Variants in MDM4 observed in about 807,000 individuals in gnomAD.
MDM4 encodes the protein MDM4 regulator of p53, also known as protein Mdm4.
A neutral mutation model predicts 60.2 loss-of-function variants in MDM4; 2 were observed. That is an observed-to-expected ratio of 0.03 (90% CI 0.01 to 0.10). MDM4 has a LOEUF of 0.10. MDM4 is among the 10% of genes least tolerant of loss of function. The probability of loss-of-function intolerance (pLI) is 1.00; values close to 1 mark genes in which losing one functional copy is unlikely to be tolerated. For synonymous variants in MDM4, 202 were observed against 198.1 expected, an observed-to-expected ratio of 1.02 and a Z score of -0.17; for missense variants, 447 against 577.5, an observed-to-expected ratio of 0.77 and a Z score of 2.32.
At position 204,556,995 on chromosome 1, in the gene MDM4, A is replaced by G. The variant is rs532423420; in HGVS notation, c.*7313A>G. ...ATTGAGTGCCAGTCTTGACGTCCGT[A>G]TGCCTCAGTTTTTCTCATATATAAA... On this transcript the variant is annotated 3_prime_UTR_variant, in exon 11 of 11. Transcript: ENST00000367182. 8.4e-4 allele frequency: 174 copies of G among 206,760 alleles called. No individual in the cohort carries two copies. Among genetic ancestry groups the G allele is most frequent in the African/African-American group, 3.8e-3 (165 of 43,920 alleles). The allele number at this position is 206,760 out of a possible 1,614,324, so 12.8% of individuals were successfully genotyped here.
intron 8 of MDM4, among the ~76,000 whole-genome samples, chr1:204,543,427 T>A (rs915459024): frequency 6.6e-6 from 1 of 152,254 alleles, no homozygotes; most frequent in Non-Finnish European, 1.5e-5. Flanking sequence ...TCACTTCCTG[T>A]CATTCTTCTT....
rs567353313 is a variant in MDM4, at chr1:204,551,702, G to A, written c.*2020G>A. 4.3e-6 allele frequency: 1 copy of A among 230,684 alleles called. No homozygotes were observed. The highest frequency in any genetic ancestry group is 5.7e-5 in the Admixed American group (1 of 17,692). 14.3% of individuals were successfully genotyped at this position (230,684 alleles called of 1,614,324 possible). ...TGCATGTGTCATTTTGAAGACCAAG[G>A]CCCTAGAATTGTCAAACTTAAGGAT... On this transcript the variant is annotated 3_prime_UTR_variant, in exon 11 of 11. Coordinates refer to ENST00000367182, the MANE Select transcript of MDM4 (RefSeq NM_002393.5).
chr1:204,523,503 C>CTTA (rs1558310755), intron 1 of MDM4, among the ~76,000 whole-genome samples: 6 of 82,046 alleles, frequency 7.3e-5, no homozygotes, highest in South Asian at 5.2e-4. Flanking sequence ...TTTTTTTTTG[C>CTTA]GACAGGGTAT....
At position 204,549,225 on chromosome 1, in the gene MDM4, A is replaced by G; in HGVS notation, c.1016A>G (p.His339Arg). 1.2e-6 allele frequency: 2 copies of G among 1,614,028 alleles called. No individual in the cohort carries two copies. Among genetic ancestry groups the G allele is most frequent in the Non-Finnish European group, 1.7e-6 (2 of 1,179,896 alleles). ...DWYSDCSKLT[H>R]SLSTSDITAI... Reference sequence around the variant, plus strand: ...TATTCAGATTGTTCAAAGTTAACCCATTCTCTCTCCACGTCTGATATCACT... The same window carrying G: ...TATTCAGATTGTTCAAAGTTAACCCGTTCTCTCTCCACGTCTGATATCACT... The change falls in exon 11 of 11, where the codon CAT becomes CGT. Residue 339 changes from histidine to arginine, a missense_variant. This residue lies in a region of MDM4 where 117 missense variants were observed against 114.5 expected (regional missense o/e 1.02). Coordinates refer to ENST00000367182, the MANE Select transcript of MDM4 (RefSeq NM_002393.5).
intron 1 of MDM4, among the ~76,000 whole-genome samples, chr1:204,523,509 G>C (rs1288461811): frequency 1.3e-5 from 1 of 78,912 alleles, no homozygotes; most frequent in African/African-American, 3.6e-5. Context: ...TTTGCGACAG[G>C]GTATCGCTTT....
chr1:204,529,206 G>A (rs1176003689), intron 3 of MDM4: 13 of 748,892 alleles, frequency 1.7e-5, no homozygotes, highest in Non-Finnish European at 3.1e-5. Context: ...ATTAGGTCTT[G>A]TCAAACATGT....
Position 204,532,942 on chromosome 1 carries a change from C to T in MDM4, c.343+696C>T. 3 of 1,076,520 alleles carry T rather than the reference C, an allele frequency of 2.8e-6. No individual in the cohort carries two copies. The South Asian group carries it at 4.9e-5, about 17-fold the overall frequency. 66.7% of individuals were successfully genotyped at this position (1,076,520 alleles called of 1,614,324 possible). On this transcript the variant is annotated intron_variant, in intron 5 of 10. Transcript: ENST00000367182. ...AAAGCTTTATAGGTAATGCTTTGTACTTCTGTTTAATCACATCAGAGTCAT... is the reference window on the plus strand; with the variant it reads ...AAAGCTTTATAGGTAATGCTTTGTATTTCTGTTTAATCACATCAGAGTCAT...
rs1296287469 is a variant in MDM4 at position 204,557,478 on chromosome 1, C to T, written c.*7796C>T. The T allele has an allele frequency of 5.7e-6, 1 of 174,768 alleles. No homozygotes were observed. 10.8% of individuals were successfully genotyped at this position (174,768 alleles called of 1,614,324 possible). ...AATGCAGTGGCGCAATCTTGGTTCA[C>T]TGCAACCCCCGCCTCCTGGGTTCAA... On this transcript the variant is annotated 3_prime_UTR_variant, in exon 11 of 11. Coordinates refer to ENST00000367182, the MANE Select transcript of MDM4 (RefSeq NM_002393.5).
chr1:204,519,405 G>A (rs1429577992), intron 1 of MDM4, among the ~76,000 whole-genome samples: 1 of 152,144 alleles, frequency 6.6e-6, no homozygotes, highest in Non-Finnish European at 1.5e-5. Context: ...TACTCGGGAG[G>A]CTGAGGCAGG....
intron 1 of MDM4, among the ~76,000 whole-genome samples, chr1:204,517,360 C>G (rs932880572): frequency 6.6e-6 from 1 of 152,000 alleles, no homozygotes; most frequent in Non-Finnish European, 1.5e-5. Flanking sequence ...TTTTTGTATA[C>G]CTTAAAGCTT....
chr1:204,550,960 T>C lies in MDM4; in HGVS notation c.*1278T>C, dbSNP rs1477694531. 1 of 184,556 alleles carries C rather than the reference T, an allele frequency of 5.4e-6. No homozygotes were observed. Among genetic ancestry groups the C allele is most frequent in the African/African-American group, 2.3e-5 (1 of 42,602 alleles). 11.4% of individuals were successfully genotyped at this position (184,556 alleles called of 1,614,324 possible). On this transcript the variant is annotated 3_prime_UTR_variant, in exon 11 of 11. Transcript: ENST00000367182. Reference sequence around the variant, plus strand: ...TTAGCCAAATCAGACTTAACTTCCGTCAGAACATGTCTTGGTTTTAATTCA... The same window carrying C: ...TTAGCCAAATCAGACTTAACTTCCGCCAGAACATGTCTTGGTTTTAATTCA...
At position 204,554,685 on chromosome 1, in the gene MDM4, A is replaced by G. The variant is rs969392457; in HGVS notation, c.*5003A>G. The stretch of plus-strand genomic sequence containing the variant: ...CTAAACAAAATAATCAGTATCTGAG[A>G]TAGTGGCTAATGTGGCTCCCCAGGC... On this transcript the variant is annotated 3_prime_UTR_variant, in exon 11 of 11. Transcript: ENST00000367182. The G allele has an allele frequency of 1.3e-5, 3 of 227,716 alleles. No homozygotes were observed. Among genetic ancestry groups the G allele is most frequent in the African/African-American group, 6.7e-5 (3 of 45,070 alleles). The allele number at this position is 227,716 out of a possible 1,614,324, so 14.1% of individuals were successfully genotyped here. A position where few individuals can be genotyped will look rare whatever the true frequency, so the allele number is the denominator to read the frequency against.
chr1:204,548,743 T>C (rs1455643014), intron 10 of MDM4, among the ~76,000 whole-genome samples: 1 of 152,192 alleles, frequency 6.6e-6, no homozygotes, highest in East Asian at 1.9e-4. Context: ...CAGAGTATTC[T>C]CTTCATTCTT....
chr1:204,534,579 C>T (rs748022961), intron 5 of MDM4, among the ~76,000 whole-genome samples: 8 of 152,130 alleles, frequency 5.3e-5, no homozygotes, highest in African/African-American at 1.2e-4. Context: ...CCTCCGCCTC[C>T]GTGGCACAAG....
intron 4 of MDM4, among the ~76,000 whole-genome samples, chr1:204,531,067 C>T (rs369204080): frequency 3.9e-5 from 6 of 152,058 alleles, no homozygotes; most frequent in Non-Finnish European, 5.9e-5. Flanking sequence ...CATGGTAAAC[C>T]TACACTATGG....
In MDM4 at chr1:204,556,352, C is replaced by T. The variant is rs1185994782; in HGVS notation, c.*6670C>T. 1 of 226,830 alleles carries T rather than the reference C, an allele frequency of 4.4e-6. No individual in the cohort carries two copies. The highest frequency in any genetic ancestry group is 8.8e-6 in the Non-Finnish European group (1 of 114,086). 14.1% of individuals were successfully genotyped at this position (226,830 alleles called of 1,614,324 possible). A position where few individuals can be genotyped will look rare whatever the true frequency, so the allele number is the denominator to read the frequency against. On this transcript the variant is annotated 3_prime_UTR_variant, in exon 11 of 11. Coordinates refer to ENST00000367182, the MANE Select transcript of MDM4 (RefSeq NM_002393.5). ...ACAACTCGTAGTTGAGGCTTCCTTT[C>T]TGTGTGTGATGGGGGATAGGGAGTT...
At chr1:204,528,283 G>A (rs907381190) in intron 3 of MDM4, among the ~76,000 whole-genome samples, 1 of 152,134 alleles carries the variant, frequency 6.6e-6, no homozygotes, top group African/African-American at 2.4e-5. Context: ...GATGCCCAGG[G>A]AACAGATTTG....
At chr1:204,537,804 G>A in intron 6 of MDM4, 1 of 616,978 alleles carries the variant, frequency 1.6e-6, no homozygotes, top group Non-Finnish European at 3.0e-6. Flanking sequence ...ATTTTAATAG[G>A]CGTGTTGCAG....
chr1:204,544,397 A>G (rs949628650), intron 8 of MDM4, 138 bp from the exon 9 acceptor site: 2 of 729,672 alleles, frequency 2.7e-6, no homozygotes, highest in African/African-American at 1.8e-5. Context: ...TTGAATGAAT[A>G]CATGTCCACT....
Sources: gnomAD v4.1 joint callset for allele counts (sites outside exome capture counted in the v4.1 genomes callset) on GRCh38, gnomAD v4.1.1 for gene constraint, gnomAD v4.1.1 regional missense constraint, MANE v1.5 for transcripts, NCBI Gene and HGNC (gene_info 2026-07-23, HGNC 2026-07-21) for gene names.